The following SLC4A4 variants were observed in gnomAD, a reference collection of about 807,000 sequenced individuals.
SLC4A4 encodes electrogenic sodium bicarbonate cotransporter 1.
SLC4A4 carries 27 observed loss-of-function variants against 111.5 expected under a neutral mutation model. That is an observed-to-expected ratio of 0.24 (90% CI 0.18 to 0.33). The LOEUF is 0.33. SLC4A4 is among the 10% of genes least tolerant of loss of function. The pLI is 1.00. For missense variants in SLC4A4, 909 were observed against 1,315.5 expected (o/e 0.69, Z 4.78); for synonymous variants, 443 against 463.4 (o/e 0.96, Z 0.57).
At chr4:71,337,529 A>G (rs541391464) in intron 3 of SLC4A4, among the ~76,000 whole-genome samples, 17 of 152,224 alleles carry the variant, frequency 1.1e-4, no homozygotes, top group Admixed American at 7.8e-4. Flanking sequence ...CTGTTTTCTC[A>G]GTTATAAACA....
At chr4:71,273,612 T>A (rs1267787396) in intron 3 of SLC4A4, among the ~76,000 whole-genome samples, 2 of 152,032 alleles carry the variant, frequency 1.3e-5, no homozygotes, top group Non-Finnish European at 1.5e-5. Context: ...TTACTGATAG[T>A]AGGGTGGTTT....
At chr4:71,367,040 C>G (rs1287410675) in intron 6 of SLC4A4, among the ~76,000 whole-genome samples, 1 of 152,212 alleles carries the variant, frequency 6.6e-6, no homozygotes, top group African/African-American at 2.4e-5. Flanking sequence ...AGGTTCTTTG[C>G]TGGCGAGTGC....
At position 71,439,435 on chromosome 4, in the gene SLC4A4, C is replaced by CAAAAAAAAAAAAAAAAAAA. The variant is rs56283596; in HGVS notation, c.808-1163_808-1145dup. ...TGGGCAACAGAGCAAGACTCTGTCT[C>CAAAAAAAAAAAAAAAAAAA]AAAAAAAAAAAAAAAAAAAAAAAAA... On this transcript the variant is annotated intron_variant, in intron 7 of 25. Transcript: ENST00000264485. Among the ~76,000 whole-genome samples the CAAAAAAAAAAAAAAAAAAA allele has an allele frequency of 1.8e-4, 6 of 34,186 alleles. 2 individuals carry two copies. Among genetic ancestry groups the CAAAAAAAAAAAAAAAAAAA allele is most frequent in the Non-Finnish European group, 2.8e-4 (5 of 18,036 alleles). 22.4% of individuals were successfully genotyped at this position (34,186 alleles called of 152,430 possible). A position where few individuals can be genotyped will look rare whatever the true frequency, so the allele number is the denominator to read the frequency against.
chr4:71,256,849 A>C (rs1389238421), intron 3 of SLC4A4, among the ~76,000 whole-genome samples: 1 of 152,140 alleles, frequency 6.6e-6, no homozygotes, highest in Non-Finnish European at 1.5e-5. Context: ...TGTTCTGTCC[A>C]TTGTGCATGT....
intron 2 of SLC4A4, among the ~76,000 whole-genome samples, chr4:71,177,223 C>T (rs1402080994): frequency 1.3e-5 from 2 of 152,200 alleles, no homozygotes; most frequent in African/African-American, 2.4e-5. Context: ...ACTGCAAAAA[C>T]ATGCCAAATT....
intron 2 of SLC4A4, among the ~76,000 whole-genome samples, chr4:71,096,705 TC>T (rs1742567044): frequency 6.6e-6 from 1 of 152,192 alleles, no homozygotes; most frequent in African/African-American, 2.4e-5. Flanking sequence ...GTCTTATTTT[TC>T]TAAGTTTGAT....
At chr4:71,103,449 C>A (rs1742819134) in intron 2 of SLC4A4, among the ~76,000 whole-genome samples, 1 of 152,178 alleles carries the variant, frequency 6.6e-6, no homozygotes, top group Admixed American at 6.5e-5. Flanking sequence ...ACTCTCCACC[C>A]CAAATCAGCA....
At chr4:71,469,576 T>G (rs1231531627) in intron 13 of SLC4A4, among the ~76,000 whole-genome samples, 1 of 152,004 alleles carries the variant, frequency 6.6e-6, no homozygotes, top group Non-Finnish European at 1.5e-5. Flanking sequence ...TCTTCTTTGA[T>G]CTCTAATATC....
chr4:71,322,533 C>T lies in SLC4A4; in HGVS notation c.254-16837C>T, dbSNP rs376250336. ...TTATTTTGGGAATCTTGAAGATTTC[C>T]TAATGTTGATGAGAATTGAGTCTGA... is the stretch of plus-strand genomic sequence containing the variant. On this transcript the variant is annotated intron_variant, in intron 3 of 25. Transcript: ENST00000264485. 3.9e-5 allele frequency among the ~76,000 whole-genome samples: 6 copies of T among 152,040 alleles called. No individual in the cohort carries two copies. In the East Asian group the frequency reaches 1.2e-3, roughly 29 times the overall value.
At chr4:71,114,991 G>A (rs2148953502) in intron 2 of SLC4A4, among the ~76,000 whole-genome samples, 1 of 130,514 alleles carries the variant, frequency 7.7e-6, no homozygotes, top group East Asian at 2.1e-4. Flanking sequence ...ATACACCATG[G>A]AATACTATGC....
chr4:71,324,415 A>T (rs530725455), intron 3 of SLC4A4, among the ~76,000 whole-genome samples: 1 of 152,102 alleles, frequency 6.6e-6, no homozygotes, highest in South Asian at 2.1e-4. Context: ...TATAATTGGG[A>T]TAATTAATAA....
chr4:71,142,344 C>T (rs931856391), intron 2 of SLC4A4, among the ~76,000 whole-genome samples: 1 of 152,168 alleles, frequency 6.6e-6, no homozygotes, highest in Non-Finnish European at 1.5e-5. Context: ...AATGCAGCTT[C>T]AGAGGAGAAA....
chr4:71,184,235 C>T (rs1745384989), upstream of SLC4A4, among the ~76,000 whole-genome samples: 1 of 152,102 alleles, frequency 6.6e-6, no homozygotes, highest in African/African-American at 2.4e-5. Flanking sequence ...AACGCAGGGC[C>T]GATCAATTGC....
chr4:71,160,031 C>A (rs1309439296), intron 2 of SLC4A4, among the ~76,000 whole-genome samples: 2 of 151,442 alleles, frequency 1.3e-5, no homozygotes, highest in Non-Finnish European at 3.0e-5. Context: ...GCTTACTATG[C>A]CAGACTTTCT....
chr4:71,290,854 A>G (rs936827674), intron 3 of SLC4A4, among the ~76,000 whole-genome samples: 2 of 152,236 alleles, frequency 1.3e-5, no homozygotes, highest in African/African-American at 2.4e-5. Context: ...AAACCTGAGC[A>G]GTGTTAGAAA....
At chr4:71,216,463 C>T (rs970842487) in intron 1 of SLC4A4, among the ~76,000 whole-genome samples, 7 of 152,146 alleles carry the variant, frequency 4.6e-5, no homozygotes, top group African/African-American at 1.7e-4. Flanking sequence ...ATTTCCATGC[C>T]TCAGCCATGT....
At chr4:71,557,687 G>T (rs1410540461) in intron 21 of SLC4A4, 25 bp from the exon 22 acceptor site, 3 of 1,610,158 alleles carry the variant, frequency 1.9e-6, no homozygotes, top group East Asian at 4.5e-5. Context: ...AATGCAGTTG[G>T]ACTCCTTTCC....
At chr4:71,409,020 CTT>C (rs1244889599) in intron 7 of SLC4A4, among the ~76,000 whole-genome samples, 1 of 152,178 alleles carries the variant, frequency 6.6e-6, no homozygotes, top group Non-Finnish European at 1.5e-5. Context: ...TGCTCATTTT[CTT>C]TTGCCACCAC....
intron 14 of SLC4A4, among the ~76,000 whole-genome samples, chr4:71,483,504 T>C (rs2149126287): frequency 6.6e-6 from 1 of 152,032 alleles, no homozygotes; most frequent in East Asian, 1.9e-4. Context: ...GGGCATGATC[T>C]CGTTCCTTTT....
Sources: gnomAD v4.1 joint callset for allele counts (sites outside exome capture counted in the v4.1 genomes callset) on GRCh38, gnomAD v4.1.1 for gene constraint, MANE v1.5 for transcripts, NCBI Gene and HGNC (gene_info 2026-07-23, HGNC 2026-07-21) for gene names.